Variants in SRPK1 observed in about 807,000 individuals in gnomAD.
SRPK1 encodes SRSF protein kinase 1.
A neutral mutation model predicts 89.5 loss-of-function variants in SRPK1; 52 were observed. The ratio of observed to expected loss-of-function variants is 0.58; its 90% confidence interval spans 0.46 to 0.73. SRPK1 has a LOEUF of 0.73. Among genes scored for constraint, SRPK1 ranks in the 30% least tolerant of loss-of-function variants. SRPK1 has a pLI of 0.00. For missense variants in SRPK1, 603 were observed against 780.6 expected, an observed-to-expected ratio of 0.77 and a Z score of 2.71; for synonymous variants, 255 against 270.2, an observed-to-expected ratio of 0.94 and a Z score of 0.55.
In SRPK1 at chr6:35,869,730, A is replaced by G; in HGVS notation, c.1163T>C (p.Val388Ala). ...EDLHNANDCD[V>A]QNLNQESSFL... ...ACTAGATTCCTGATTCAAATTTTGG[A>G]CATCACAGTCATTAGCATTATGTAG... is the stretch of plus-strand genomic sequence containing the variant. Residue 388 changes from valine to alanine, a missense_variant, in exon 11 of 16, where the codon GTC becomes GCC. Coordinates refer to ENST00000373825, the MANE Select transcript of SRPK1 (RefSeq NM_003137.5). 6.2e-7 allele frequency: 1 copy of G among 1,613,888 alleles called. No individual in the cohort carries two copies. Among genetic ancestry groups the G allele is most frequent in the Admixed American group, 1.7e-5 (1 of 60,012 alleles).
intron 6 of SRPK1, among the ~76,000 whole-genome samples, chr6:35,884,466 T>C (rs1770362130): frequency 1.3e-5 from 2 of 152,204 alleles, no homozygotes; most frequent in African/African-American, 2.4e-5. Context: ...TGTGTGGGTA[T>C]GTTATGTTGG....
At chr6:35,836,588 A>G (rs974588084) in intron 15 of SRPK1, among the ~76,000 whole-genome samples, 4 of 151,824 alleles carry the variant, frequency 2.6e-5, no homozygotes, top group African/African-American at 9.7e-5. Flanking sequence ...CCCTGCCTCT[A>G]CCAAAAATAC....
At chr6:35,913,610 C>T (rs894792893) in intron 2 of SRPK1, among the ~76,000 whole-genome samples, 1 of 151,966 alleles carries the variant, frequency 6.6e-6, no homozygotes, top group African/African-American at 2.4e-5. Context: ...TCAGCCTGGA[C>T]AACATGGTGA....
intron 2 of SRPK1, chr6:35,920,232 C>T (rs1156714205): frequency 1.6e-6 from 1 of 613,940 alleles, no homozygotes; most frequent in African/African-American, 1.8e-5. Flanking sequence ...GGGCTCTGGT[C>T]CTCCTCCGAC....
intron 13 of SRPK1, among the ~76,000 whole-genome samples, chr6:35,845,192 A>G (rs996050097): frequency 2.0e-5 from 3 of 152,214 alleles, no homozygotes; most frequent in Admixed American, 6.5e-5. Flanking sequence ...GATATTGTAT[A>G]TAATAATGAT....
At chr6:35,849,119 GAACTC>G (rs1216470655) in intron 13 of SRPK1, among the ~76,000 whole-genome samples, 2 of 151,922 alleles carry the variant, frequency 1.3e-5, no homozygotes, top group African/African-American at 2.4e-5. Flanking sequence ...AAATAATATG[GAACTC>G]AACTCAATAG....
chr6:35,898,749 A>G (rs532297484), intron 2 of SRPK1, among the ~76,000 whole-genome samples: 37 of 151,964 alleles, frequency 2.4e-4, no homozygotes, highest in African/African-American at 8.2e-4. Flanking sequence ...TTAATTTATC[A>G]TATTATCAGG....
chr6:35,859,130 C>A lies in SRPK1; in HGVS notation c.1513-1762G>T, dbSNP rs562236143. On this transcript the variant is annotated intron_variant, in intron 12 of 15. Coordinates refer to ENST00000373825, the MANE Select transcript of SRPK1 (RefSeq NM_003137.5). ...CTCAATGATATAAACATGGTATGAT[C>A]ATGTAGCCAAAAATTAGATTACATT... is the stretch of plus-strand genomic sequence containing the variant. 8.5e-5 allele frequency among the ~76,000 whole-genome samples: 13 copies of A among 152,244 alleles called. No individual in the cohort carries two copies. The East Asian group carries it at 2.5e-3, about 29-fold the overall frequency.
At position 35,835,343 on chromosome 6, in the gene SRPK1, A is replaced by G. The variant is rs780595863; in HGVS notation, c.1929T>C (p.Thr643=). 11 of 1,613,756 alleles carry G rather than the reference A, an allele frequency of 6.8e-6. No individual in the cohort carries two copies. Among genetic ancestry groups the G allele is most frequent in the Non-Finnish European group, 1.7e-6 (2 of 1,179,860 alleles). ...AAGGGTGCCGGAGACACTCGGCGGC[A>G]GTGGCTCTCTTCTCAGGGATCAGCT... ...MLELIPEKRA[T]AAECLRHPWL... Residue 643 remains threonine (T), a synonymous_variant, in exon 16 of 16, where the codon ACT becomes ACC. Coordinates refer to ENST00000373825, the MANE Select transcript of SRPK1 (RefSeq NM_003137.5).
intron 12 of SRPK1, among the ~76,000 whole-genome samples, chr6:35,857,938 C>A (rs1411933473): frequency 6.6e-6 from 1 of 152,122 alleles, no homozygotes; most frequent in South Asian, 2.1e-4. Flanking sequence ...CTGAAGTTTT[C>A]TCTGAGTAAT....
chr6:35,886,296 T>C (rs1024862213), intron 6 of SRPK1, among the ~76,000 whole-genome samples: 1 of 152,128 alleles, frequency 6.6e-6, no homozygotes, highest in Non-Finnish European at 1.5e-5. Context: ...GCCAGGTGGG[T>C]CTTGAACTCC....
chr6:35,867,014 G>A (rs1314132503), intron 12 of SRPK1, among the ~76,000 whole-genome samples: 1 of 152,196 alleles, frequency 6.6e-6, no homozygotes, highest in African/African-American at 2.4e-5. Flanking sequence ...CTCAGAGGGT[G>A]GGGTGAAAGG....
chr6:35,856,625 G>A (rs1208186122), intron 13 of SRPK1, among the ~76,000 whole-genome samples: 1 of 152,050 alleles, frequency 6.6e-6, no homozygotes, highest in Admixed American at 6.5e-5. Flanking sequence ...GACAATATGG[G>A]GCTTACAACA....
In SRPK1 at chr6:35,900,599, C is replaced by A. The variant is rs561472070; in HGVS notation, c.75-9586G>T. On this transcript the variant is annotated intron_variant, in intron 2 of 15. Transcript: ENST00000373825. The stretch of plus-strand genomic sequence containing the variant: ...AGAAGTTGGGACAGCAAAGTCCTAT[C>A]TCAGTCTCTCCAGGAGATACATGCT... 5.3e-5 allele frequency among the ~76,000 whole-genome samples: 8 copies of A among 152,302 alleles called. No homozygotes were observed. The South Asian group carries it at 1.7e-3, about 32-fold the overall frequency.
At chr6:35,903,395 C>T (rs562254207) in intron 2 of SRPK1, among the ~76,000 whole-genome samples, 5 of 152,000 alleles carry the variant, frequency 3.3e-5, no homozygotes, top group Admixed American at 2.0e-4. Context: ...GCCTGTAATC[C>T]CAGCTACTTG....
chr6:35,916,236 A>AT (rs1397803575), intron 2 of SRPK1, among the ~76,000 whole-genome samples: 27 of 149,364 alleles, frequency 1.8e-4, no homozygotes, highest in African/African-American at 6.5e-4. Context: ...AAATAAATAA[A>AT]TAAATAAATT....
At chr6:35,855,109 G>T (rs781030297) in intron 13 of SRPK1, among the ~76,000 whole-genome samples, 3 of 152,048 alleles carry the variant, frequency 2.0e-5, no homozygotes, top group Non-Finnish European at 4.4e-5. Context: ...AGACCATCCT[G>T]GCTAACATGG....
At chr6:35,847,523 T>C (rs369690188) in intron 13 of SRPK1, among the ~76,000 whole-genome samples, 5 of 152,070 alleles carry the variant, frequency 3.3e-5, no homozygotes, top group Non-Finnish European at 4.4e-5. Flanking sequence ...TGATCCTATA[T>C]ATAGAAAACC....
intron 13 of SRPK1, among the ~76,000 whole-genome samples, chr6:35,848,909 AC>A (rs1379064942): frequency 6.6e-6 from 1 of 152,204 alleles, no homozygotes; most frequent in Non-Finnish European, 1.5e-5. Flanking sequence ...ACAGGGGGAA[AC>A]CCACATGACA....
Sources: allele counts gnomAD v4.1 joint callset (sites outside exome capture counted in the v4.1 genomes callset), GRCh38; gene constraint gnomAD v4.1.1; transcripts MANE v1.5; gene names NCBI Gene and HGNC (gene_info 2026-07-23, HGNC 2026-07-21).